The following DENND1B variants were observed in gnomAD, a reference collection of about 807,000 sequenced individuals.
DENND1B encodes DENN domain containing 1B.
Under a neutral mutation model 90.1 loss-of-function variants are expected in DENND1B, and 59 were observed. The ratio of observed to expected loss-of-function variants is 0.65; its 90% CI spans 0.53 to 0.81. The LOEUF is 0.81. Ranked by LOEUF, DENND1B falls within the 40% of genes least tolerant of loss-of-function variation. The pLI is 0.00. For missense variants in DENND1B, 862 were observed against 912.6 expected, an observed-to-expected ratio of 0.94 and a Z score of 0.71; for synonymous variants, 337 against 324.6, an observed-to-expected ratio of 1.04 and a Z score of -0.41.
At chr1:197,780,086 T>G (rs1426533364), upstream of DENND1B, among the ~76,000 whole-genome samples, 2 of 152,220 alleles carry the variant, frequency 1.3e-5, no homozygotes, top group Admixed American at 6.5e-5. Flanking sequence ...ACCATTCATG[T>G]GAGACCTGGT....
chr1:197,686,565 T>C (rs963035693), intron 3 of DENND1B, among the ~76,000 whole-genome samples: 3 of 152,180 alleles, frequency 2.0e-5, no homozygotes, highest in Admixed American at 6.5e-5. Flanking sequence ...CCTCGCTCAA[T>C]GACTTTAACA....
At chr1:197,625,966 A>G (rs1438873344) in intron 10 of DENND1B, among the ~76,000 whole-genome samples, 1 of 152,154 alleles carries the variant, frequency 6.6e-6, no homozygotes, top group Non-Finnish European at 1.5e-5. Flanking sequence ...CAACAAGAAG[A>G]GCTAACTGTC....
intron 2 of DENND1B, among the ~76,000 whole-genome samples, chr1:197,753,207 G>A (rs1416787210): frequency 6.6e-6 from 1 of 151,982 alleles, no homozygotes; most frequent in African/African-American, 2.4e-5. Flanking sequence ...TTTATCAAAC[G>A]TGCAAAAGAC....
At position 197,543,879 on chromosome 1, in the gene DENND1B, T is replaced by C. The variant is rs867194828; in HGVS notation, c.1350+2043A>G. ...TTAACTCAAGGAATAACAGAAGTTC[T>C]AAACTTTTATTAAAATATACTATTT... On this transcript the variant is annotated intron_variant, in intron 18 of 22. Transcript: ENST00000620048. Among the ~76,000 whole-genome samples the C allele has an allele frequency of 3.3e-5, 5 of 152,170 alleles. 1 individual carries two copies. In the South Asian group the frequency reaches 8.3e-4, roughly 25 times the overall value.
intron 2 of DENND1B, chr1:197,735,876 GC>G: frequency 6.4e-7 from 1 of 1,552,338 alleles, no homozygotes; most frequent in Non-Finnish European, 8.9e-7. Context: ...ATTGCAGGGG[GC>G]TATTACAGGT....
intron 16 of DENND1B, 122 bp downstream of exon 16, chr1:197,552,900 A>C (rs1165124922): frequency 6.6e-7 from 1 of 1,505,420 alleles, no homozygotes; most frequent in East Asian, 2.6e-5. Flanking sequence ...TGTATTTAAG[A>C]CATTACATAT....
At chr1:197,667,679 G>A (rs182503587) in intron 5 of DENND1B, among the ~76,000 whole-genome samples, 1 of 152,226 alleles carries the variant, frequency 6.6e-6, no homozygotes, top group African/African-American at 2.4e-5. Context: ...GATTACAGGC[G>A]TGGGCCCCTG....
intron 2 of DENND1B, among the ~76,000 whole-genome samples, chr1:197,719,370 T>A (rs989187652): frequency 3.3e-5 from 5 of 152,014 alleles, no homozygotes; most frequent in Admixed American, 6.6e-5. Context: ...AAGGTTGGAA[T>A]TCAGATCAAG....
At chr1:197,690,425 A>G (rs1891497) in intron 3 of DENND1B, 143,895 of 170,746 alleles carry the variant, frequency 0.84, 60,918 homozygotes, top group African/African-American at 0.92. Context: ...CTGGAAGGTG[A>G]CCCTAAATTC....
intron 10 of DENND1B, among the ~76,000 whole-genome samples, chr1:197,629,717 A>AAAT (rs1314690875): frequency 1.3e-5 from 2 of 151,970 alleles, no homozygotes; most frequent in East Asian, 3.9e-4. Flanking sequence ...AATAAATTTA[A>AAAT]AATTTTTGTT....
chr1:197,562,765 C>A (rs1571885793), intron 15 of DENND1B, among the ~76,000 whole-genome samples: 1 of 151,948 alleles, frequency 6.6e-6, no homozygotes, highest in East Asian at 1.9e-4. Context: ...ACTGAGACAG[C>A]CTGAAAGCCA....
At chr1:197,581,174 G>GT (rs1674202582) in intron 15 of DENND1B, among the ~76,000 whole-genome samples, 2 of 152,208 alleles carry the variant, frequency 1.3e-5, no homozygotes, top group South Asian at 2.1e-4. Flanking sequence ...ATCTGTGTTA[G>GT]TTTTTTACCA....
intron 5 of DENND1B, among the ~76,000 whole-genome samples, chr1:197,670,944 T>C (rs1443000930): frequency 6.6e-6 from 1 of 152,082 alleles, no homozygotes; most frequent in Non-Finnish European, 1.5e-5. Flanking sequence ...AAAGAGAGAA[T>C]GGGGGCACAT....
At chr1:197,612,188 A>G (rs1677241551) in intron 11 of DENND1B, among the ~76,000 whole-genome samples, 1 of 150,700 alleles carries the variant, frequency 6.6e-6, no homozygotes, top group African/African-American at 2.4e-5. Context: ...CTTTTTATAA[A>G]CATCATAAAA....
At chr1:197,701,380 G>A (rs926015025) in intron 3 of DENND1B, among the ~76,000 whole-genome samples, 1 of 152,148 alleles carries the variant, frequency 6.6e-6, no homozygotes, top group South Asian at 2.1e-4. Context: ...GTTGAACAAT[G>A]AGAATACATG....
chr1:197,738,376 G>A (rs1426417901), intron 2 of DENND1B, among the ~76,000 whole-genome samples: 2 of 152,158 alleles, frequency 1.3e-5, no homozygotes, highest in Non-Finnish European at 2.9e-5. Flanking sequence ...TCGTTTCTGG[G>A]AACTACATCT....
Position 197,512,557 on chromosome 1 carries a change from A to G in DENND1B, c.1598+314T>C, listed in dbSNP as rs536091828. Among the ~76,000 whole-genome samples the G allele has an allele frequency of 1.4e-3, 211 of 151,670 alleles. 1 individual carries two copies. Among genetic ancestry groups the G allele is most frequent in the Non-Finnish European group, 1.3e-3 (89 of 67,708 alleles). Reference sequence around the variant, plus strand: ...ATTGACTATTATCACCATTCCTGATATTTAACCTTCCTCTCTTCAGAATGA... The same window carrying G: ...ATTGACTATTATCACCATTCCTGATGTTTAACCTTCCTCTCTTCAGAATGA... On this transcript the variant is annotated intron_variant, in intron 21 of 22. Transcript: ENST00000620048.
At chr1:197,610,446 A>G (rs1369846804) in intron 12 of DENND1B, among the ~76,000 whole-genome samples, 1 of 115,488 alleles carries the variant, frequency 8.7e-6, no homozygotes, top group Non-Finnish European at 2.0e-5. Context: ...TTGATGTAGA[A>G]TCATTATGCA....
At chr1:197,512,558 T>C (rs1223738934) in intron 21 of DENND1B, among the ~76,000 whole-genome samples, 6 of 151,674 alleles carry the variant, frequency 4.0e-5, no homozygotes, top group South Asian at 2.1e-4. Flanking sequence ...ATTCCTGATA[T>C]TTAACCTTCC....
Sources: gnomAD v4.1 joint callset for allele counts (sites outside exome capture counted in the v4.1 genomes callset) on GRCh38, gnomAD v4.1.1 for gene constraint, MANE v1.5 for transcripts, NCBI Gene and HGNC (gene_info 2026-07-23, HGNC 2026-07-21) for gene names.